The following COL4A2 variants were observed in gnomAD, a reference collection of about 807,000 sequenced individuals.
The protein encoded by COL4A2 is collagen alpha-2(IV) chain.
A neutral mutation model predicts 200.2 loss-of-function variants in COL4A2; 99 were observed. The observed-to-expected ratio is 0.49, with a 90% CI of 0.42 to 0.58. The LOEUF (loss-of-function observed/expected upper bound fraction) is 0.58, where lower values mean the gene tolerates loss of function less well. Among genes scored for constraint, COL4A2 ranks in the 20% least tolerant of loss-of-function variants. The pLI is 0.00. For missense variants in COL4A2, 1,950 were observed against 2,314.1 expected (o/e 0.84, Z 3.23); for synonymous variants, 897 against 900.6 (o/e 1.00, Z 0.07).
rs536559720 is a variant in COL4A2 at position 110,486,733 on chromosome 13, G to A, written c.3207+897G>A. ...AGATAGGGGTGGGGCCGTTTTATAGGATTTGGGTAGGTAAAGGAAAAAGGG... is the reference window on the plus strand; with the variant it reads ...AGATAGGGGTGGGGCCGTTTTATAGAATTTGGGTAGGTAAAGGAAAAAGGG... On this transcript the variant is annotated intron_variant, in intron 34 of 47. Transcript: ENST00000360467. 2.0e-5 allele frequency among the ~76,000 whole-genome samples: 3 copies of A among 152,218 alleles called. No individual in the cohort carries two copies. The South Asian group carries it at 6.2e-4, about 32-fold the overall frequency.
intron 22 of COL4A2, chr13:110,459,379 C>G (rs1299215199): frequency 1.3e-5 from 2 of 156,082 alleles, no homozygotes; most frequent in Non-Finnish European, 2.8e-5. Flanking sequence ...CAGAATAGCC[C>G]TGACCTTCAC....
At chr13:110,411,887 C>G (rs1879857624) in intron 4 of COL4A2, among the ~76,000 whole-genome samples, 1 of 152,202 alleles carries the variant, frequency 6.6e-6, no homozygotes, top group Admixed American at 6.5e-5. Context: ...CTCTCTGTGC[C>G]TCAGTTTCCT....
At chr13:110,328,064 C>A (rs1875705292) in intron 3 of COL4A2, among the ~76,000 whole-genome samples, 1 of 152,112 alleles carries the variant, frequency 6.6e-6, no homozygotes, top group South Asian at 2.1e-4. Context: ...TCTGACTTTG[C>A]AGTAAACTGT....
At chr13:110,438,804 C>T (rs1267321649) in intron 15 of COL4A2, 136 bp downstream of exon 15, 1 of 650,696 alleles carries the variant, frequency 1.5e-6, no homozygotes, top group Non-Finnish European at 2.4e-6. Context: ...TACTCCCCAC[C>T]CCCCCCCACA....
chr13:110,434,263 C>A, intron 11 of COL4A2, 138 bp from the exon 12 acceptor site: 1 of 731,022 alleles, frequency 1.4e-6, no homozygotes, highest in Non-Finnish European at 2.2e-6. Context: ...CAATGCAAAG[C>A]AAGAATATTA....
chr13:110,498,895 C>T (rs925197381), intron 40 of COL4A2, among the ~76,000 whole-genome samples: 1 of 152,198 alleles, frequency 6.6e-6, no homozygotes, highest in Non-Finnish European at 1.5e-5. Flanking sequence ...TCCAAGCCAC[C>T]GTGCGGCATG....
chr13:110,435,976 A>G (rs1007115091), intron 12 of COL4A2: 4 of 446,892 alleles, frequency 9.0e-6, no homozygotes, highest in African/African-American at 5.9e-5. Context: ...ATTCCCATAT[A>G]TAGAAATTCA....
intron 27 of COL4A2, among the ~76,000 whole-genome samples, chr13:110,468,680 G>T (rs571069700): frequency 6.6e-6 from 1 of 152,184 alleles, no homozygotes; most frequent in Non-Finnish European, 1.5e-5. Flanking sequence ...CCCAAGAGGC[G>T]CCAGGAACGG....
In COL4A2 at chr13:110,328,097, A is replaced by C. The variant is rs1258660878; in HGVS notation, c.99+19974A>C. On this transcript the variant is annotated intron_variant, in intron 3 of 47. Coordinates refer to ENST00000360467, the MANE Select transcript of COL4A2 (RefSeq NM_001846.4). ...TGTAGGCAAGAAGGAGTCTTCAGTTAAATTAATAGTCTGGAAAAGTTGATC... is the reference window on the plus strand; with the variant it reads ...TGTAGGCAAGAAGGAGTCTTCAGTTCAATTAATAGTCTGGAAAAGTTGATC... 2.0e-5 allele frequency among the ~76,000 whole-genome samples: 3 copies of C among 152,248 alleles called. No individual in the cohort carries two copies. The East Asian group carries it at 5.8e-4, about 29-fold the overall frequency.
chr13:110,388,680 G>C (rs939441137), intron 4 of COL4A2, among the ~76,000 whole-genome samples: 2 of 152,196 alleles, frequency 1.3e-5, no homozygotes, highest in African/African-American at 2.4e-5. Flanking sequence ...GGTTTGATTA[G>C]CTCACTGATT....
In COL4A2 at chr13:110,506,564, C is replaced by T; in HGVS notation, c.4552C>T (p.Leu1518=). 6.2e-7 allele frequency: 1 copy of T among 1,613,110 alleles called. No individual in the cohort carries two copies. Among genetic ancestry groups the T allele is most frequent in the Non-Finnish European group, 8.5e-7 (1 of 1,179,696 alleles). The change falls in exon 46 of 48, where the codon CTG becomes TTG. Residue 1518 remains leucine, a synonymous_variant. Coordinates refer to ENST00000360467, the MANE Select transcript of COL4A2 (RefSeq NM_001846.4). ...MNKLWSGYSL[L]YFEGQEKAHN... ...CAAACTCTGGAGTGGATACAGCCTG[C>T]TGTACTTCGAGGGCCAGGAGAAGGC...
intron 4 of COL4A2, among the ~76,000 whole-genome samples, chr13:110,370,507 G>A (rs1236435816): frequency 6.6e-6 from 1 of 152,178 alleles, no homozygotes; most frequent in Non-Finnish European, 1.5e-5. Context: ...CGCCCACCTT[G>A]GCCTCCCAAA....
intron 4 of COL4A2, among the ~76,000 whole-genome samples, chr13:110,371,084 G>A (rs1877987735): frequency 6.6e-6 from 1 of 152,234 alleles, no homozygotes; most frequent in Non-Finnish European, 1.5e-5. Context: ...TGGAAGGAAA[G>A]ATGAGTAATG....
intron 22 of COL4A2, 198 bp downstream of exon 22, chr13:110,459,132 G>T: frequency 2.0e-6 from 1 of 508,552 alleles, no homozygotes; most frequent in Non-Finnish European, 3.3e-6. Context: ...ACTGAGAAGG[G>T]GCGCTGCTGT....
intron 40 of COL4A2, among the ~76,000 whole-genome samples, chr13:110,498,482 G>C (rs942229469): frequency 6.6e-6 from 1 of 152,076 alleles, no homozygotes; most frequent in South Asian, 2.1e-4. Context: ...CATAGAGGGG[G>C]GTCACAGAAC....
intron 47 of COL4A2, among the ~76,000 whole-genome samples, chr13:110,509,500 G>A (rs1884012643): frequency 6.6e-6 from 1 of 152,048 alleles, no homozygotes; most frequent in South Asian, 2.1e-4. Flanking sequence ...TATCATGGAA[G>A]GTGACTTTGG....
chr13:110,488,917 G>T (rs1181132632), intron 34 of COL4A2, among the ~76,000 whole-genome samples: 1 of 152,124 alleles, frequency 6.6e-6, no homozygotes, highest in Non-Finnish European at 1.5e-5. Context: ...TTGTTTCATT[G>T]TATCACTTCA....
At chr13:110,317,328 A>T (rs1056911459) in intron 3 of COL4A2, among the ~76,000 whole-genome samples, 1 of 151,634 alleles carries the variant, frequency 6.6e-6, no homozygotes, top group Non-Finnish European at 1.5e-5. Flanking sequence ...ACAGAGACAC[A>T]CACTTGCACC....
chr13:110,464,565 A>G (rs554257087), intron 24 of COL4A2, among the ~76,000 whole-genome samples: 1 of 134,412 alleles, frequency 7.4e-6, no homozygotes, highest in Admixed American at 7.3e-5. Flanking sequence ...CCACTTAATC[A>G]AGGTCTCATA....
Sources: allele counts gnomAD v4.1 joint callset (sites outside exome capture counted in the v4.1 genomes callset), GRCh38; gene constraint gnomAD v4.1.1; transcripts MANE v1.5; gene names NCBI Gene and HGNC (gene_info 2026-07-23, HGNC 2026-07-21).